Variants in MIPOL1 observed in about 807,000 individuals in gnomAD.
MIPOL1 encodes mirror-image polydactyly gene 1 protein.
A neutral mutation model predicts 60.9 loss-of-function variants in MIPOL1; 57 were observed. The ratio of observed to expected loss-of-function variants is 0.94; its 90% CI spans 0.76 to 1.17. MIPOL1 has a LOEUF of 1.17. Among genes scored for constraint, MIPOL1 ranks in the 50% most tolerant of loss-of-function variants. The probability of loss-of-function intolerance (pLI) is 0.00; values close to 1 mark genes in which losing one functional copy is unlikely to be tolerated. For missense variants in MIPOL1, 551 were observed against 511.6 expected, an observed-to-expected ratio of 1.08 and a Z score of -0.74; for synonymous variants, 179 against 168.8, an observed-to-expected ratio of 1.06 and a Z score of -0.47.
intron 11 of MIPOL1, among the ~76,000 whole-genome samples, chr14:37,446,613 A>T (rs2094339066): frequency 6.6e-6 from 1 of 152,172 alleles, no homozygotes; most frequent in Non-Finnish European, 1.5e-5. Flanking sequence ...CAGTATAAAG[A>T]CACATGCACA....
At chr14:37,373,883 C>A (rs953007230) in intron 10 of MIPOL1, among the ~76,000 whole-genome samples, 17 of 152,056 alleles carry the variant, frequency 1.1e-4, no homozygotes, top group African/African-American at 3.9e-4. Flanking sequence ...ATTTATAATC[C>A]TTTGGGTATA....
chr14:37,218,243 C>A (rs1477342365), intron 1 of MIPOL1, among the ~76,000 whole-genome samples: 1 of 152,096 alleles, frequency 6.6e-6, no homozygotes, highest in Non-Finnish European at 1.5e-5. Flanking sequence ...TGCAGTGGCA[C>A]AATCTCAGCT....
intron 1 of MIPOL1, among the ~76,000 whole-genome samples, chr14:37,213,882 G>C (rs927566644): frequency 5.3e-5 from 8 of 152,124 alleles, no homozygotes; most frequent in African/African-American, 1.7e-4. Flanking sequence ...AGACTTTTCA[G>C]TTGAAACCTT....
chr14:37,508,769 CT>C (rs1168409814), intron 12 of MIPOL1, among the ~76,000 whole-genome samples: 1 of 152,152 alleles, frequency 6.6e-6, no homozygotes, highest in Non-Finnish European at 1.5e-5. Flanking sequence ...AGGTCTCTGC[CT>C]TTTCAGGACT....
chr14:37,307,057 T>TAAAAACTGTAACAAATAAATGTATAAA (rs2086844154), intron 7 of MIPOL1, among the ~76,000 whole-genome samples: 1 of 151,804 alleles, frequency 6.6e-6, no homozygotes, highest in African/African-American at 2.4e-5. Context: ...AGTGTAGTAA[T>TAAAAACTGTAACAAATAAATGTATAAA]TTTATCCAGT....
rs569669985 is a variant in MIPOL1, at chr14:37,478,754, G to A, written c.1032-21154G>A. ...ACGTAAATGGATACCAAAAGATAGC[G>A]GGGGTAGCTATTCTTAGACAATTTA... is the stretch of plus-strand genomic sequence containing the variant. On this transcript the variant is annotated intron_variant, in intron 11 of 12. Coordinates refer to ENST00000684589, the MANE Select transcript of MIPOL1 (RefSeq NM_001388067.1). 7.9e-5 allele frequency among the ~76,000 whole-genome samples: 12 copies of A among 152,214 alleles called. No individual in the cohort carries two copies. In the South Asian group the frequency reaches 1.0e-3, roughly 13 times the overall value.
At chr14:37,484,337 CT>C (rs71449995) in intron 11 of MIPOL1, among the ~76,000 whole-genome samples, 269 of 116,418 alleles carry the variant, frequency 2.3e-3, no homozygotes, top group Middle Eastern at 0.012. Flanking sequence ...AATGTTAGAT[CT>C]TTTTTTTTTT....
intron 12 of MIPOL1, among the ~76,000 whole-genome samples, chr14:37,544,024 CTGAG>C (rs1325462487): frequency 1.3e-5 from 2 of 152,070 alleles, no homozygotes; most frequent in African/African-American, 2.4e-5. Flanking sequence ...TTTAAATATA[CTGAG>C]TATCATAGGC....
At chr14:37,294,496 G>C (rs2085427008) in intron 7 of MIPOL1, among the ~76,000 whole-genome samples, 1 of 152,160 alleles carries the variant, frequency 6.6e-6, no homozygotes, top group Admixed American at 6.6e-5. Context: ...GGCTTCAGAA[G>C]ATCAAACTAG....
At chr14:37,337,878 T>C (rs1049716678) in intron 9 of MIPOL1, among the ~76,000 whole-genome samples, 2 of 152,052 alleles carry the variant, frequency 1.3e-5, no homozygotes, top group Non-Finnish European at 2.9e-5. Flanking sequence ...CAGAAGTTTT[T>C]TATTTTGATA....
At chr14:37,228,487 G>A (rs192924819) in intron 1 of MIPOL1, among the ~76,000 whole-genome samples, 1 of 152,034 alleles carries the variant, frequency 6.6e-6, no homozygotes, top group African/African-American at 2.4e-5. Context: ...CTAAAAAACC[G>A]TTTAGTTTCT....
At chr14:37,443,932 T>C (rs1221348815) in intron 11 of MIPOL1, among the ~76,000 whole-genome samples, 1 of 152,090 alleles carries the variant, frequency 6.6e-6, no homozygotes, top group Non-Finnish European at 1.5e-5. Context: ...AGAAAAAGCA[T>C]GTGATGAAAT....
At chr14:37,251,312 C>A (rs890183287) in intron 3 of MIPOL1, among the ~76,000 whole-genome samples, 1 of 151,934 alleles carries the variant, frequency 6.6e-6, no homozygotes, top group African/African-American at 2.4e-5. Context: ...GAGCAATTCT[C>A]CTGCCTCAGA....
At chr14:37,275,888 G>T (rs564849062) in intron 6 of MIPOL1, among the ~76,000 whole-genome samples, 2 of 151,076 alleles carry the variant, frequency 1.3e-5, no homozygotes, top group Non-Finnish European at 3.0e-5. Flanking sequence ...AACAACTCCT[G>T]TAGAATAATA....
intron 12 of MIPOL1, among the ~76,000 whole-genome samples, chr14:37,542,606 C>G (rs1257480249): frequency 6.6e-6 from 1 of 152,074 alleles, no homozygotes; most frequent in Non-Finnish European, 1.5e-5. Flanking sequence ...TGAGGTAACT[C>G]TTTCCTTCTC....
chr14:37,343,710 AG>A, intron 9 of MIPOL1, among the ~76,000 whole-genome samples: 1 of 152,214 alleles, frequency 6.6e-6, no homozygotes, highest in African/African-American at 2.4e-5. Flanking sequence ...AACATAGAAC[AG>A]AATCATTACG....
At chr14:37,384,598 G>T (rs890517258) in intron 10 of MIPOL1, among the ~76,000 whole-genome samples, 1 of 151,912 alleles carries the variant, frequency 6.6e-6, no homozygotes, top group Non-Finnish European at 1.5e-5. Flanking sequence ...GGAATTATTT[G>T]TGAAATTCTG....
At chr14:37,536,190 G>T (rs899059713) in intron 12 of MIPOL1, among the ~76,000 whole-genome samples, 3 of 152,114 alleles carry the variant, frequency 2.0e-5, no homozygotes. Flanking sequence ...AGGCTTTAAC[G>T]CTAAATATTG....
At chr14:37,536,973 A>T (rs905544936) in intron 12 of MIPOL1, among the ~76,000 whole-genome samples, 9 of 152,170 alleles carry the variant, frequency 5.9e-5, no homozygotes, top group Admixed American at 1.3e-4. Flanking sequence ...TAGACTGATA[A>T]TGCAATCAAT....
Sources: allele counts gnomAD v4.1 joint callset (sites outside exome capture counted in the v4.1 genomes callset), GRCh38; gene constraint gnomAD v4.1.1; transcripts MANE v1.5; gene names NCBI Gene and HGNC (gene_info 2026-07-23, HGNC 2026-07-21).